Variants in MORF4L1 observed in about 807,000 individuals in gnomAD.
MORF4L1 encodes mortality factor 4-like protein 1.
A neutral mutation model predicts 52.9 loss-of-function variants in MORF4L1; 4 were observed. The ratio of observed to expected loss-of-function variants is 0.08; its 90% CI spans 0.04 to 0.17. The LOEUF (loss-of-function observed/expected upper bound fraction) is 0.17, where lower values mean the gene tolerates loss of function less well. MORF4L1 is among the 10% of genes least tolerant of loss of function. The pLI is 1.00. For missense variants in MORF4L1, 214 were observed against 390.4 expected (o/e 0.55, Z 3.81); for synonymous variants, 123 against 134.8 (o/e 0.91, Z 0.61).
chr15:78,874,358 G>A (rs1367552513), intron 1 of MORF4L1, among the ~76,000 whole-genome samples: 1 of 151,998 alleles, frequency 6.6e-6, no homozygotes, highest in African/African-American at 2.4e-5. Context: ...GGTTTTAGGG[G>A]TATTTTGTTA....
chr15:78,882,368 A>G (rs891973359), intron 3 of MORF4L1, among the ~76,000 whole-genome samples: 3 of 148,234 alleles, frequency 2.0e-5, no homozygotes, highest in Non-Finnish European at 2.9e-5. Flanking sequence ...AATATTTAAT[A>G]ATGATAGGTA....
intron 4 of MORF4L1, 37 bp from the exon 5 acceptor site, chr15:78,887,232 T>A: frequency 6.5e-7 from 1 of 1,532,630 alleles, no homozygotes; most frequent in Non-Finnish European, 8.9e-7. Context: ...ACATAAATGC[T>A]CATTTTATGT....
At chr15:78,876,382 G>C in intron 1 of MORF4L1, 1 of 358,302 alleles carries the variant, frequency 2.8e-6, no homozygotes, top group Non-Finnish European at 5.6e-6. Context: ...CTTTGCACTG[G>C]ACTTGGTTTT....
intron 5 of MORF4L1, among the ~76,000 whole-genome samples, chr15:78,887,684 T>TA (rs1201050159): frequency 6.6e-6 from 1 of 152,220 alleles, no homozygotes; most frequent in Non-Finnish European, 1.5e-5. Flanking sequence ...TAAAAATACA[T>TA]ACGAATTAAC....
chr15:78,884,872 T>A, intron 3 of MORF4L1: 1 of 781,220 alleles, frequency 1.3e-6, no homozygotes, highest in Non-Finnish European at 2.0e-6. Flanking sequence ...TGACACACAC[T>A]TAAATACTCC....
intron 5 of MORF4L1, among the ~76,000 whole-genome samples, chr15:78,889,245 C>G (rs1053901971): frequency 6.6e-6 from 1 of 152,220 alleles, no homozygotes; most frequent in Non-Finnish European, 1.5e-5. Flanking sequence ...ACGTTTGAAG[C>G]ATGAATGTCA....
chr15:78,890,215 A>G (rs555171365), intron 5 of MORF4L1, among the ~76,000 whole-genome samples: 90 of 151,136 alleles, frequency 6.0e-4, no homozygotes, highest in Non-Finnish European at 1.1e-3. Flanking sequence ...AAATAAATAA[A>G]TAAAGCAAAA....
intron 6 of MORF4L1, 55 bp from the exon 7 acceptor site, chr15:78,891,429 C>T: frequency 2.3e-6 from 3 of 1,311,506 alleles, no homozygotes; most frequent in Non-Finnish European, 3.3e-6. Flanking sequence ...GACTATTTTC[C>T]TTATAGAGTT....
intron 3 of MORF4L1, among the ~76,000 whole-genome samples, chr15:78,882,016 G>GT (rs2056611571): frequency 6.6e-6 from 1 of 152,132 alleles, no homozygotes. Context: ...TTAGGAAGTT[G>GT]TTTTCACGTA....
At chr15:78,888,029 TC>T (rs1200901158) in intron 5 of MORF4L1, among the ~76,000 whole-genome samples, 1 of 152,250 alleles carries the variant, frequency 6.6e-6, no homozygotes, top group Non-Finnish European at 1.5e-5. Context: ...TGCCTTGGCC[TC>T]CCAGAGTGCT....
intron 1 of MORF4L1, among the ~76,000 whole-genome samples, chr15:78,877,428 T>C (rs1257991648): frequency 6.6e-6 from 1 of 152,194 alleles, no homozygotes; most frequent in Non-Finnish European, 1.5e-5. Flanking sequence ...CCTGCTCTTT[T>C]AATTTTAGAG....
At chr15:78,875,926 G>GT (rs1026903672) in intron 1 of MORF4L1, among the ~76,000 whole-genome samples, 1 of 151,294 alleles carries the variant, frequency 6.6e-6, no homozygotes, top group African/African-American at 2.5e-5. Flanking sequence ...GAGAAGTAGT[G>GT]TTTTTTTGTT....
At chr15:78,877,112 GATTTT>G (rs1282570859) in intron 1 of MORF4L1, among the ~76,000 whole-genome samples, 1,070 of 94,470 alleles carry the variant, frequency 0.011, 22 homozygotes, top group African/African-American at 0.041. Flanking sequence ...ACGCCCGGCT[GATTTT>G]TTTTTTTTTT....
At chr15:78,874,569 TTTTC>T (rs1044312366) in intron 1 of MORF4L1, among the ~76,000 whole-genome samples, 4 of 140,210 alleles carry the variant, frequency 2.9e-5, no homozygotes, top group African/African-American at 8.0e-5. Flanking sequence ...TTGTTTTTTC[TTTTC>T]TTTTTCTTTC....
chr15:78,882,830 A>C (rs79976138), intron 3 of MORF4L1, among the ~76,000 whole-genome samples: 1 of 100 alleles, frequency 0.01, no homozygotes, highest in Non-Finnish European at 0.083. Context: ...TTAGCTTCTT[A>C]GGGAGGCTGA....
At chr15:78,873,363 G>T (rs1470893703) in intron 1 of MORF4L1, 3 of 619,308 alleles carry the variant, frequency 4.8e-6, no homozygotes, top group Non-Finnish European at 6.8e-6. Context: ...GCAGCCTATT[G>T]TAGGGAGGCG....
At chr15:78,878,404 C>T (rs2056535457) in intron 2 of MORF4L1, 145 bp downstream of exon 2, 3 of 590,360 alleles carry the variant, frequency 5.1e-6, no homozygotes, top group Non-Finnish European at 8.4e-6. Context: ...CTTCATCTTT[C>T]TGAGATTCTT....
At chr15:78,880,604 A>G (rs776591660) in intron 3 of MORF4L1, 25 bp downstream of exon 3, 7 of 1,503,052 alleles carry the variant, frequency 4.7e-6, no homozygotes, top group Non-Finnish European at 4.6e-6. Flanking sequence ...TTACAATTCT[A>G]TTTGTAATTA....
In MORF4L1 at chr15:78,898,028, A is replaced by C. The variant is rs542243048; in HGVS notation, c.*961A>C. On this transcript the variant is annotated 3_prime_UTR_variant, in exon 12 of 12. Transcript: ENST00000426013. ...TTTTCACCTGTGTAAAATTATGGTC[A>C]GCTTTTTTCTGTCTATAATTGTTTA... is the stretch of plus-strand genomic sequence containing the variant. The C allele has an allele frequency of 1.4e-4, 21 of 152,286 alleles. No individual in the cohort carries two copies. The highest frequency in any genetic ancestry group is 4.8e-4 in the African/African-American group (20 of 41,554). 9.4% of individuals were successfully genotyped at this position (152,286 alleles called of 1,614,324 possible).
Sources: allele counts gnomAD v4.1 joint callset (sites outside exome capture counted in the v4.1 genomes callset), GRCh38; gene constraint gnomAD v4.1.1; transcripts MANE v1.5; gene names NCBI Gene and HGNC (gene_info 2026-07-23, HGNC 2026-07-21).